Variants in TTLL2 observed in about 807,000 individuals in gnomAD.
TTLL2 encodes tubulin tyrosine ligase like 2.
TTLL2 carries 10 observed loss-of-function variants against 7.5 expected under a neutral mutation model. The ratio of observed to expected loss-of-function variants is 1.33; its 90% CI spans 0.82 to 2.25. The LOEUF is 2.25. TTLL2 is among the 30% of genes most tolerant of loss of function. The pLI, the probability that TTLL2 is intolerant of heterozygous loss-of-function variation, is 0.00. For missense variants in TTLL2, 733 were observed against 735.7 expected (o/e 1.00, Z 0.04); for synonymous variants, 284 against 280.3 (o/e 1.01, Z -0.13).
chr6:167,341,493 C>A lies in TTLL2; in HGVS notation c.1593C>A (p.His531Gln). 1.9e-6 allele frequency: 3 copies of A among 1,614,124 alleles called. No individual in the cohort carries two copies. Among genetic ancestry groups the A allele is most frequent in the Non-Finnish European group, 2.5e-6 (3 of 1,180,036 alleles). ...LMPYASLFQS[H>Q]SCKTKTSPCV... ...CCTACGCGTCCCTCTTCCAGTCGCA[C>A]TCCTGCAAGACCAAGACCTCCCCGT... The change falls in exon 3 of 3, where the codon CAC becomes CAA. Residue 531 changes from histidine (H) to glutamine (Q), a missense_variant. Coordinates refer to ENST00000239587, the MANE Select transcript of TTLL2 (RefSeq NM_031949.5).
Position 167,342,185 on chromosome 6 carries a change from T to C in TTLL2, c.*506T>C, listed in dbSNP as rs1324411400. On this transcript the variant is annotated 3_prime_UTR_variant, in exon 3 of 3. Coordinates refer to ENST00000239587, the MANE Select transcript of TTLL2 (RefSeq NM_031949.5). ...TGAAAGCCCTAATGACTCTGTTGTT[T>C]ACAAATCCTGGGCTTGAAATCAGAC... Among the ~76,000 whole-genome samples the C allele has an allele frequency of 6.6e-6, 1 of 152,216 alleles. No individual in the cohort carries two copies. Among genetic ancestry groups the C allele is most frequent in the Non-Finnish European group, 1.5e-5 (1 of 68,040 alleles).
chr6:167,325,240 C>A lies in TTLL2; in HGVS notation c.47+20C>A. 4 of 1,541,884 alleles carry A rather than the reference C, an allele frequency of 2.6e-6. No homozygotes were observed. The highest frequency in any genetic ancestry group is 1.2e-5 in the South Asian group (1 of 82,862). Reference sequence around the variant, plus strand: ...GCTGGGGTAAGCGTAGGAGGCGACACGTAGGATGGGAGGGTGGCCCCGATC... The same window carrying A: ...GCTGGGGTAAGCGTAGGAGGCGACAAGTAGGATGGGAGGGTGGCCCCGATC... On this transcript the variant is annotated intron_variant, in intron 1 of 2. Transcript: ENST00000239587.
Position 167,327,936 on chromosome 6 carries a change from AT to A in TTLL2, c.47+2717del, listed in dbSNP as rs1778868540. 8.9e-5 allele frequency: 40 copies of A among 451,758 alleles called. 1 individual carries two copies. Among genetic ancestry groups the A allele is most frequent in the South Asian group, 5.4e-4 (35 of 64,272 alleles). 28.0% of individuals were successfully genotyped at this position (451,758 alleles called of 1,614,324 possible). On this transcript the variant is annotated intron_variant, in intron 1 of 2. Transcript: ENST00000239587. ...TGTTGGTGAAAACTCCTTTTACAGCATCTGGTATCAAGGTCACTTGAGAAGG... is the reference window on the plus strand; with the variant it reads ...TGTTGGTGAAAACTCCTTTTACAGCACTGGTATCAAGGTCACTTGAGAAGG...
chr6:167,329,972 C>A (rs539026361), intron 1 of TTLL2, among the ~76,000 whole-genome samples: 1 of 152,266 alleles, frequency 6.6e-6, no homozygotes, highest in Admixed American at 6.5e-5. Flanking sequence ...GATACACACA[C>A]ATGTACATGC....
At chr6:167,337,600 G>A (rs573026932) in intron 1 of TTLL2, among the ~76,000 whole-genome samples, 78 of 152,278 alleles carry the variant, frequency 5.1e-4, no homozygotes, top group African/African-American at 1.7e-3. Context: ...AGTCTGGCGC[G>A]GTGTCCCCAC....
At position 167,341,447 on chromosome 6, in the gene TTLL2, C is replaced by T. The variant is rs566480270; in HGVS notation, c.1547C>T (p.Thr516Met). Residue 516 changes from threonine (T) to methionine (M), a missense_variant, in exon 3 of 3, where the codon ACG becomes ATG. By Grantham distance (81) the Thr-to-Met change is moderately conservative. Transcript: ENST00000239587. ...AAGCCCAAGTTACGGAGCAGGCACA[C>T]GCCTCACAAGACACTCATGCCCTAC... ...QSKPKLRSRHTPHKTLMPYAS... is the reference protein window; with the variant it reads ...QSKPKLRSRHMPHKTLMPYAS... 3.2e-4 allele frequency: 514 copies of T among 1,614,030 alleles called. 5 individuals are homozygous for T. The South Asian group carries it at 5.0e-3, about 16-fold the overall frequency.
At chr6:167,339,987 AGTGGGAG>A in intron 2 of TTLL2, 111 bp from the exon 3 acceptor site, 1 of 1,089,932 alleles carries the variant, frequency 9.2e-7, no homozygotes, top group Non-Finnish European at 1.3e-6. Context: ...GAGACTGCAC[AGTGGGAG>A]GGTGGACACA....
chr6:167,336,384 A>C (rs1778983807), intron 1 of TTLL2, among the ~76,000 whole-genome samples: 1 of 152,108 alleles, frequency 6.6e-6, no homozygotes, highest in Admixed American at 6.5e-5. Context: ...ACTATGTTCT[A>C]TATTTATTTA....
In TTLL2 at chr6:167,340,415, C is replaced by T. The variant is rs778050222; in HGVS notation, c.515C>T (p.Thr172Ile). Residue 172 changes from threonine to isoleucine, a missense_variant, in exon 3 of 3, where the codon ACT (threonine) becomes ATT (isoleucine). Physicochemically the swap from Thr to Ile is moderately conservative, Grantham distance 89 (BLOSUM62 -1). Transcript: ENST00000239587. ...AAGCACATGAGGAGGATGTATGGCA[C>T]TTCCCTGTACCAGTTCATCCCCCTG... ...HLKHMRRMYG[T>I]SLYQFIPLTF... The T allele has an allele frequency of 3.7e-6, 6 of 1,614,060 alleles. No individual in the cohort carries two copies. Among genetic ancestry groups the T allele is most frequent in the African/African-American group, 1.3e-5 (1 of 74,894 alleles).
chr6:167,336,695 T>C (rs997714764), intron 1 of TTLL2, among the ~76,000 whole-genome samples: 1 of 151,950 alleles, frequency 6.6e-6, no homozygotes, highest in African/African-American at 2.4e-5. Flanking sequence ...GAACGGGGGC[T>C]CGGCCTCACC....
At chr6:167,337,097 G>T (rs1778994359) in intron 1 of TTLL2, among the ~76,000 whole-genome samples, 1 of 151,954 alleles carries the variant, frequency 6.6e-6, no homozygotes, top group Admixed American at 6.5e-5. Context: ...AACCGCACAT[G>T]CTTTCCACAC....
intron 1 of TTLL2, among the ~76,000 whole-genome samples, chr6:167,330,927 C>T (rs1271704752): frequency 1.3e-5 from 2 of 152,116 alleles, no homozygotes; most frequent in African/African-American, 4.8e-5. Flanking sequence ...AGCATGAGCT[C>T]GATAGCGCCT....
intron 1 of TTLL2, among the ~76,000 whole-genome samples, chr6:167,332,194 C>T (rs59587025): frequency 0.021 from 3,237 of 152,208 alleles, 129 homozygotes; most frequent in African/African-American, 0.074. Context: ...AAGTGAGGCA[C>T]GGAAAATGGA....
chr6:167,341,661 G>C lies in TTLL2; in HGVS notation c.1761G>C (p.Met587Ile). ...KRIIQELQKL[M>I]NKQHS ...TAATCCAAGAGCTCCAGAAACTAAT[G>C]AATAAGCAACATTCCTAAGTGGTAA... The change falls in exon 3 of 3, where the codon ATG becomes ATC. Residue 587 changes from methionine (M) to isoleucine (I), a missense_variant. By Grantham distance (10) the Met-to-Ile change is conservative. Coordinates refer to ENST00000239587, the MANE Select transcript of TTLL2 (RefSeq NM_031949.5). 1.2e-6 allele frequency: 2 copies of C among 1,606,924 alleles called. No homozygotes were observed. The highest frequency in any genetic ancestry group is 1.7e-6 in the Non-Finnish European group (2 of 1,177,662).
chr6:167,338,767 C>T lies in TTLL2; in HGVS notation c.168C>T (p.Pro56=), dbSNP rs1293308999. Residue 56 remains proline, a synonymous_variant, in exon 2 of 3, where the codon CCC becomes CCT. Coordinates refer to ENST00000239587, the MANE Select transcript of TTLL2 (RefSeq NM_031949.5). ...AGGAAGCAGGTGTTTCCATCCCTCC[C>T]AGGCGAGGCCGCCCAACACCAACAC... The part of the protein sequence containing the change: ...RLQEAGVSIP[P]RRGRPTPTLE... 2.5e-6 allele frequency: 4 copies of T among 1,613,544 alleles called. No individual in the cohort carries two copies. Among genetic ancestry groups the T allele is most frequent in the Admixed American group, 1.7e-5 (1 of 59,994 alleles).
At chr6:167,325,908 T>A (rs1778841892) in intron 1 of TTLL2, among the ~76,000 whole-genome samples, 1 of 152,154 alleles carries the variant, frequency 6.6e-6, no homozygotes, top group Non-Finnish European at 1.5e-5. Flanking sequence ...GGGCTCCTGT[T>A]GTCACATGCG....
In TTLL2 at chr6:167,340,777, A is replaced by T. The variant is rs925849361; in HGVS notation, c.877A>T (p.Asn293Tyr). ...GTTTGACCTCAGTAATTTGCAAAAC[A>T]ATTATGCCCATTTGACCAACAGCAG... Reference protein sequence around the residue: ...EKFDLSNLQNNYAHLTNSSIN... With the variant: ...EKFDLSNLQNYYAHLTNSSIN... The change falls in exon 3 of 3, where the codon AAT becomes TAT. Residue 293 changes from asparagine (N) to tyrosine (Y), a missense_variant. Coordinates refer to ENST00000239587, the MANE Select transcript of TTLL2 (RefSeq NM_031949.5). The T allele has an allele frequency of 2.3e-5, 37 of 1,614,194 alleles. No individual in the cohort carries two copies. The highest frequency in any genetic ancestry group is 3.1e-5 in the Non-Finnish European group (37 of 1,180,036).
At chr6:167,327,263 C>G (rs1044661257) in intron 1 of TTLL2, among the ~76,000 whole-genome samples, 1 of 152,136 alleles carries the variant, frequency 6.6e-6, no homozygotes, top group African/African-American at 2.4e-5. Context: ...GGAGGGATGA[C>G]TTTGAGTTCT....
intron 1 of TTLL2, among the ~76,000 whole-genome samples, chr6:167,335,549 T>C (rs1304729772): frequency 6.9e-6 from 1 of 145,804 alleles, no homozygotes; most frequent in Non-Finnish European, 1.5e-5. Flanking sequence ...TTATTCACAA[T>C]AGCAAAGACT....
Sources: gnomAD v4.1 joint callset for allele counts (sites outside exome capture counted in the v4.1 genomes callset) on GRCh38, gnomAD v4.1.1 for gene constraint, MANE v1.5 for transcripts, NCBI Gene and HGNC (gene_info 2026-07-23, HGNC 2026-07-21) for gene names.